Variants in CLMN observed in about 807,000 individuals in gnomAD.
The protein encoded by CLMN is calmin.
Under a neutral mutation model 92.7 loss-of-function variants are expected in CLMN, and 57 were observed. The ratio of observed to expected loss-of-function variants is 0.61; its 90% CI spans 0.50 to 0.77. The LOEUF (loss-of-function observed/expected upper bound fraction) is 0.77. CLMN is among the 30% of genes least tolerant of loss of function. CLMN has a pLI of 0.00. For synonymous variants in CLMN, 466 were observed against 470.6 expected, an observed-to-expected ratio of 0.99 and a Z score of 0.13; for missense variants, 1,158 against 1,237.5, an observed-to-expected ratio of 0.94 and a Z score of 0.96.
chr14:95,224,254 C>T (rs1409286137), intron 2 of CLMN, among the ~76,000 whole-genome samples: 1 of 152,038 alleles, frequency 6.6e-6, no homozygotes, highest in Non-Finnish European at 1.5e-5. Context: ...TTACCTAGTG[C>T]AAGCCCTTCA....
At chr14:95,298,156 G>A (rs1900890613) in intron 1 of CLMN, among the ~76,000 whole-genome samples, 1 of 152,138 alleles carries the variant, frequency 6.6e-6, no homozygotes. Context: ...CCACCCGGCT[G>A]CCACCATGGC....
chr14:95,231,824 C>T (rs764666124), intron 1 of CLMN, among the ~76,000 whole-genome samples: 10 of 152,130 alleles, frequency 6.6e-5, no homozygotes, highest in Non-Finnish European at 1.5e-5. Context: ...ATAGTCATAA[C>T]AGTGATTTTT....
intron 4 of CLMN, among the ~76,000 whole-genome samples, chr14:95,220,099 C>A (rs1339593977): frequency 6.7e-6 from 1 of 149,534 alleles, no homozygotes; most frequent in Non-Finnish European, 1.5e-5. Context: ...AGCATGTTGT[C>A]AAGGTTCATC....
At chr14:95,237,449 C>T (rs1159020934) in intron 1 of CLMN, among the ~76,000 whole-genome samples, 1 of 152,230 alleles carries the variant, frequency 6.6e-6, no homozygotes, top group Non-Finnish European at 1.5e-5. Context: ...ACAGCATGGT[C>T]ACGTGGCAGA....
chr14:95,253,359 C>T (rs1245803745), intron 1 of CLMN, among the ~76,000 whole-genome samples: 1 of 152,226 alleles, frequency 6.6e-6, no homozygotes, highest in Non-Finnish European at 1.5e-5. Context: ...CAGGGTTCCG[C>T]TCCATGGCCT....
chr14:95,245,252 AT>A (rs1185973077), intron 1 of CLMN, among the ~76,000 whole-genome samples: 1 of 36,248 alleles, frequency 2.8e-5, no homozygotes, highest in Non-Finnish European at 4.3e-5. Flanking sequence ...ATATATATAT[AT>A]AATATATATA....
At chr14:95,223,413 T>G (rs1417610862) in intron 3 of CLMN, among the ~76,000 whole-genome samples, 1 of 152,218 alleles carries the variant, frequency 6.6e-6, no homozygotes, top group Non-Finnish European at 1.5e-5. Flanking sequence ...TTAGGGTGGT[T>G]GATAAAAGGC....
At chr14:95,292,428 T>TCCCCCCCCCCCCCCCCCCC (rs1263766978) in intron 1 of CLMN, among the ~76,000 whole-genome samples, 14 of 74,110 alleles carry the variant, frequency 1.9e-4, no homozygotes, top group South Asian at 7.7e-4. Flanking sequence ...CCCCCAAGGG[T>TCCCCCCCCCCCCCCCCCCC]CCCCCACCCC....
intron 1 of CLMN, among the ~76,000 whole-genome samples, chr14:95,288,912 C>T (rs144500677): frequency 4.2e-4 from 64 of 152,300 alleles, no homozygotes; most frequent in African/African-American, 1.3e-3. Context: ...CTCTGGATCT[C>T]GCCAACTATC....
rs200485720 is a variant in CLMN, at chr14:95,191,757, G to A, written c.2841-25C>T. ...CCTACAGAAGAAACACAGAGGAAAC[G>A]CAGTTACCAAGCAGGTTCCCAGGAA... On this transcript the variant is annotated intron_variant, in intron 12 of 12. Coordinates refer to ENST00000298912, the MANE Select transcript of CLMN (RefSeq NM_024734.4). The surrounding 1 kb of genome is among the most constrained non-coding windows in gnomAD (Gnocchi z 5.3). 1.5e-5 allele frequency: 23 copies of A among 1,583,378 alleles called. No homozygotes were observed. The highest frequency in any genetic ancestry group is 2.3e-5 in the East Asian group (1 of 44,384).
intron 1 of CLMN, among the ~76,000 whole-genome samples, chr14:95,282,396 G>A (rs1022775642): frequency 6.6e-6 from 1 of 152,212 alleles, no homozygotes; most frequent in African/African-American, 2.4e-5. Flanking sequence ...GTCTAGGCAT[G>A]TGTGATGGAG....
In CLMN at chr14:95,251,134, CAT is replaced by C. The variant is rs1430677287; in HGVS notation, c.83-21003_83-21002del. 3.9e-5 allele frequency among the ~76,000 whole-genome samples: 6 copies of C among 152,294 alleles called. No homozygotes were observed. The South Asian group carries it at 8.3e-4, about 21-fold the overall frequency. ...ATTTGGCGTCTGCACTCAATGATCT[CAT>C]GTGTGTGTGTAATGGGGGGTGGGTG... On this transcript the variant is annotated intron_variant, in intron 1 of 12. Coordinates refer to ENST00000298912, the MANE Select transcript of CLMN (RefSeq NM_024734.4).
intron 1 of CLMN, among the ~76,000 whole-genome samples, chr14:95,232,260 C>T (rs1897914221): frequency 6.6e-6 from 1 of 152,242 alleles, no homozygotes; most frequent in Admixed American, 6.5e-5. Context: ...AGGAAACTTC[C>T]TTCAATATCT....
At position 95,204,399 on chromosome 14, in the gene CLMN, G is replaced by A. The variant is rs752762444; in HGVS notation, c.950C>T (p.Thr317Ile). 8 of 1,613,266 alleles carry A rather than the reference G, an allele frequency of 5.0e-6. No homozygotes were observed. Among genetic ancestry groups the A allele is most frequent in the South Asian group, 1.1e-5 (1 of 90,988 alleles). ...IESTFVRIKETPSEQESKVFV... is the reference protein window; with the variant it reads ...IESTFVRIKEIPSEQESKVFV... ...GACTTTGCTCTCCTGTTCAGAAGGAGTTTCTTTGATGCGAACAAAAGTGGA... is the reference window on the plus strand; with the variant it reads ...GACTTTGCTCTCCTGTTCAGAAGGAATTTCTTTGATGCGAACAAAAGTGGA... Residue 317 changes from threonine to isoleucine, a missense_variant, in exon 9 of 13, where the codon ACT (threonine) becomes ATT (isoleucine). Transcript: ENST00000298912.
rs768225776 is a variant in CLMN at position 95,203,299 on chromosome 14, C to T, written c.2050G>A (p.Glu684Lys). ...GEDDDLQGVG[E>K]ELSSSPPSSC... The stretch of plus-strand genomic sequence containing the variant: ...CTTGGGGGGCTGGAAGATAATTCCT[C>T]GCCCACACCCTGGAGGTCATCGTCT... The change falls in exon 9 of 13, where the codon GAG becomes AAG. Residue 684 changes from glutamate (E) to lysine (K), a missense_variant. Physicochemically the swap from Glu to Lys is moderately conservative, Grantham distance 56. Coordinates refer to ENST00000298912, the MANE Select transcript of CLMN (RefSeq NM_024734.4). The T allele has an allele frequency of 6.8e-6, 11 of 1,613,968 alleles. No homozygotes were observed. Among genetic ancestry groups the T allele is most frequent in the Admixed American group, 5.0e-5 (3 of 59,994 alleles).
Position 95,244,017 on chromosome 14 carries a change from A to G in CLMN, c.83-13884T>C, listed in dbSNP as rs970366528. On this transcript the variant is annotated intron_variant, in intron 1 of 12. Transcript: ENST00000298912. ...ATCTGGTTGTTTAAAGGCGTGTAGC[A>G]CCTTCCCCCTCTCTCTTTTCCTCTT... is the stretch of plus-strand genomic sequence containing the variant. 2.6e-5 allele frequency among the ~76,000 whole-genome samples: 4 copies of G among 152,048 alleles called. No individual in the cohort carries two copies. In the South Asian group the frequency reaches 8.3e-4, roughly 32 times the overall value.
intron 1 of CLMN, among the ~76,000 whole-genome samples, chr14:95,316,845 A>G (rs976033609): frequency 6.6e-6 from 1 of 152,200 alleles, no homozygotes; most frequent in African/African-American, 2.4e-5. Flanking sequence ...CTTTCTGAAA[A>G]GAATCAGGAA....
intron 1 of CLMN, among the ~76,000 whole-genome samples, chr14:95,253,209 T>C (rs1448353529): frequency 1.3e-5 from 2 of 152,196 alleles, no homozygotes; most frequent in African/African-American, 4.8e-5. Flanking sequence ...GGAAGGAAGC[T>C]TCTGCCTGCA....
chr14:95,274,844 T>C (rs1899861653), intron 1 of CLMN, among the ~76,000 whole-genome samples: 1 of 152,080 alleles, frequency 6.6e-6, no homozygotes, highest in Non-Finnish European at 1.5e-5. Context: ...CTGGGCTTGG[T>C]GGCAGGCGCC....
Sources: allele counts gnomAD v4.1 joint callset (sites outside exome capture counted in the v4.1 genomes callset), GRCh38; gene constraint gnomAD v4.1.1; non-coding constraint Gnocchi (gnomAD v3.1); transcripts MANE v1.5; gene names NCBI Gene and HGNC (gene_info 2026-07-23, HGNC 2026-07-21).